The following IPO5 variants were observed in gnomAD, a reference collection of about 807,000 sequenced individuals.
The protein encoded by IPO5 is importin 5.
IPO5 carries 18 observed loss-of-function variants against 143.3 expected under a neutral mutation model. The ratio of observed to expected loss-of-function variants is 0.13; its 90% CI spans 0.09 to 0.19. The LOEUF (loss-of-function observed/expected upper bound fraction) is 0.19, where lower values mean the gene tolerates loss of function less well. Ranked by LOEUF, IPO5 falls within the 10% of genes least tolerant of loss-of-function variation. The pLI, the probability that IPO5 is intolerant of heterozygous loss-of-function variation, is 1.00. For missense variants in IPO5, 1,013 were observed against 1,336.9 expected (o/e 0.76, Z 3.78); for synonymous variants, 477 against 465.7 (o/e 1.02, Z -0.31).
intron 16 of IPO5, among the ~76,000 whole-genome samples, chr13:98,004,988 C>T (rs1012307633): frequency 2.6e-5 from 4 of 152,058 alleles, no homozygotes; most frequent in Admixed American, 6.5e-5. Context: ...CGCCGTCTCC[C>T]GGGTTCAAGC....
chr13:98,003,080 AT>A, intron 16 of IPO5, 43 bp downstream of exon 16: 1 of 1,446,152 alleles, frequency 6.9e-7, no homozygotes, highest in South Asian at 1.3e-5. Context: ...TTGTAGATTA[AT>A]TTGGGTTGAT....
chr13:98,004,979 G>A (rs1056441896), intron 16 of IPO5, among the ~76,000 whole-genome samples: 14 of 151,790 alleles, frequency 9.2e-5, no homozygotes, highest in Non-Finnish European at 1.8e-4. Flanking sequence ...CACCGCAACC[G>A]CCGTCTCCCG....
At chr13:97,997,494 TCA>T (rs1888397399) in intron 11 of IPO5, 35 bp from the exon 12 acceptor site, 1 of 1,184,594 alleles carries the variant, frequency 8.4e-7, no homozygotes, top group East Asian at 2.4e-5. Flanking sequence ...TAAGATAAAG[TCA>T]CAGTCTTCGG....
At chr13:98,009,848 T>G (rs1387334255) in intron 18 of IPO5, 33 bp from the exon 19 acceptor site, 1 of 1,503,154 alleles carries the variant, frequency 6.7e-7, no homozygotes, top group Non-Finnish European at 9.0e-7. Context: ...CCATTGTTTT[T>G]TAATCTATTT....
At chr13:98,021,702 C>T (rs761253982) in intron 28 of IPO5, 34 bp from the exon 29 acceptor site, 28 of 1,310,236 alleles carry the variant, frequency 2.1e-5, no homozygotes, top group South Asian at 1.9e-4. Context: ...ATGAGCATTT[C>T]GTCCTAAGTC....
chr13:97,964,744 C>G (rs1335368961), intron 2 of IPO5, among the ~76,000 whole-genome samples: 1 of 151,342 alleles, frequency 6.6e-6, no homozygotes, highest in Non-Finnish European at 1.5e-5. Flanking sequence ...CCACCGCGCC[C>G]GGCCTCCCAG....
At position 98,021,002 on chromosome 13, in the gene IPO5, A is replaced by G. The variant is rs566380360; in HGVS notation, c.3076A>G (p.Ile1026Val). Residue 1026 changes from isoleucine to valine, a missense_variant, in exon 28 of 29, where the codon ATT becomes GTT. Transcript: ENST00000651721. ...CTTCTCATTTGTCAGTAATCATCCA[A>G]TTGTTCTTGGCCCAAACAATACCAA... ...LCDLIESNHPIVLGPNNTNLP... is the reference protein window; with the variant it reads ...LCDLIESNHPVVLGPNNTNLP... 8.8e-5 allele frequency: 142 copies of G among 1,608,356 alleles called. No homozygotes were observed. In the South Asian group the frequency reaches 1.2e-3, roughly 13 times the overall value.
intron 3 of IPO5, among the ~76,000 whole-genome samples, chr13:97,970,931 T>C (rs1173014696): frequency 6.6e-6 from 1 of 152,238 alleles, no homozygotes; most frequent in Non-Finnish European, 1.5e-5. Flanking sequence ...TCACAGCCAC[T>C]ATCTATTAAG....
At position 98,000,529 on chromosome 13, in the gene IPO5, A is replaced by G. The variant is rs1486316460; in HGVS notation, c.1002-10A>G. On this transcript the variant is annotated splice_polypyrimidine_tract_variant and intron_variant, in intron 12 of 28. Coordinates refer to ENST00000651721, the MANE Select transcript of IPO5 (RefSeq NM_002271.6). The stretch of plus-strand genomic sequence containing the variant: ...ATATATTGAGTACATAATTCTGTTT[A>G]TGTGTTTAGCAATGCAGTTGCAGGC... 1.3e-6 allele frequency: 2 copies of G among 1,581,764 alleles called. No homozygotes were observed. Among genetic ancestry groups the G allele is most frequent in the Admixed American group, 1.7e-5 (1 of 59,946 alleles).
chr13:98,006,287 T>G lies in IPO5; in HGVS notation c.1655T>G (p.Leu552Arg), dbSNP rs1889233712. 6.2e-7 allele frequency: 1 copy of G among 1,612,870 alleles called. No individual in the cohort carries two copies. Residue 552 changes from leucine to arginine, a missense_variant, in exon 17 of 29, where the codon CTT becomes CGT. Physicochemically the swap from Leu to Arg is moderately radical, Grantham distance 102. Around this residue, in one of 2 missense-constraint regions of IPO5, gnomAD observed 685 missense variants for 994.9 expected, o/e 0.69. Coordinates refer to ENST00000651721, the MANE Select transcript of IPO5 (RefSeq NM_002271.6). The part of the protein sequence containing the change: ...VENAVQKELR[L>R]LRGKTIECIS... Reference sequence around the variant, plus strand: ...AATGCGGTTCAAAAAGAACTGAGACTTCTGAGAGGAAAAACTATTGAATGC... The same window carrying G: ...AATGCGGTTCAAAAAGAACTGAGACGTCTGAGAGGAAAAACTATTGAATGC...
chr13:97,986,580 C>T (rs1430633279), intron 6 of IPO5, among the ~76,000 whole-genome samples: 1 of 152,028 alleles, frequency 6.6e-6, no homozygotes, highest in Non-Finnish European at 1.5e-5. Context: ...GAACTCCTGG[C>T]CTCAGGTGAT....
Position 97,974,149 on chromosome 13 carries a change from A to C in IPO5, c.-4-2544A>C, listed in dbSNP as rs146419427. Among the ~76,000 whole-genome samples, 69 of 152,242 alleles carry C rather than the reference A, an allele frequency of 4.5e-4. 1 individual carries two copies. In the East Asian group the frequency reaches 0.013, roughly 29 times the overall value. ...TCTATTATTTAGTAACTATTAAGCAAATATATGTAACCTACAGACTCATTG... is the reference window on the plus strand; with the variant it reads ...TCTATTATTTAGTAACTATTAAGCACATATATGTAACCTACAGACTCATTG... On this transcript the variant is annotated intron_variant, in intron 3 of 28. Transcript: ENST00000651721.
At chr13:97,981,807 T>C (rs1407522124) in intron 4 of IPO5, among the ~76,000 whole-genome samples, 1 of 152,212 alleles carries the variant, frequency 6.6e-6, no homozygotes, top group Non-Finnish European at 1.5e-5. Context: ...TGATCATCTG[T>C]CTTTTAATTG....
At chr13:97,976,035 G>A (rs1309696443) in intron 3 of IPO5, 3 of 868,452 alleles carry the variant, frequency 3.5e-6, no homozygotes, top group Non-Finnish European at 4.1e-6. Flanking sequence ...TGCCTTCCTG[G>A]GGGTGGGTGA....
At chr13:98,016,949 A>C in intron 25 of IPO5, 98 bp downstream of exon 25, 1 of 880,542 alleles carries the variant, frequency 1.1e-6, no homozygotes, top group Admixed American at 2.9e-5. Context: ...AATGGGTCTC[A>C]GAAATGATTG....
intron 5 of IPO5, among the ~76,000 whole-genome samples, chr13:97,983,164 C>T (rs1299390958): frequency 6.6e-6 from 1 of 152,208 alleles, no homozygotes. Flanking sequence ...AGCCGCCACG[C>T]CCAGCCTAAT....
chr13:98,002,280 G>T, intron 13 of IPO5, 187 bp from the exon 14 acceptor site: 2 of 420,878 alleles, frequency 4.8e-6, no homozygotes, highest in Non-Finnish European at 8.3e-6. Context: ...CTCCCAAAGT[G>T]CTGGGATTAC....
At chr13:97,992,074 C>A (rs1235361577) in intron 9 of IPO5, among the ~76,000 whole-genome samples, 1 of 152,174 alleles carries the variant, frequency 6.6e-6, no homozygotes. Flanking sequence ...TTTAGTGAAA[C>A]TTCTCTCCCC....
chr13:97,962,127 T>G (rs1884936717), intron 2 of IPO5, among the ~76,000 whole-genome samples: 1 of 152,114 alleles, frequency 6.6e-6, no homozygotes, highest in Admixed American at 6.5e-5. Context: ...AGACTTTGTC[T>G]CAAAAAATAT....
Sources: allele counts gnomAD v4.1 joint callset (sites outside exome capture counted in the v4.1 genomes callset), GRCh38; gene constraint gnomAD v4.1.1; regional missense constraint gnomAD v4.1.1; transcripts MANE v1.5; gene names NCBI Gene and HGNC (gene_info 2026-07-23, HGNC 2026-07-21).